The following SGCD variants were observed in gnomAD, a reference collection of about 807,000 sequenced individuals.
SGCD encodes the protein sarcoglycan delta, also known as delta-sarcoglycan.
SGCD carries 18 observed loss-of-function variants against 36.6 expected under a neutral mutation model. That is an observed-to-expected ratio of 0.49 (90% CI 0.34 to 0.73). The LOEUF is 0.73. Among genes scored for constraint, SGCD ranks in the 30% least tolerant of loss-of-function variants. SGCD has a pLI of 0.01. For missense variants in SGCD, 387 were observed against 346.7 expected (o/e 1.12, Z -0.92); for synonymous variants, 133 against 130.6 (o/e 1.02, Z -0.12).
chr5:156,414,796 A>G (rs892307110), intron 3 of SGCD, among the ~76,000 whole-genome samples: 3 of 152,232 alleles, frequency 2.0e-5, no homozygotes, highest in African/African-American at 4.8e-5. Flanking sequence ...TGATCCTTCT[A>G]TTCTAGAGAT....
chr5:156,510,067 A>G (rs1226056719), intron 4 of SGCD, among the ~76,000 whole-genome samples: 2 of 152,322 alleles, frequency 1.3e-5, no homozygotes, highest in Middle Eastern at 3.4e-3. Flanking sequence ...CAAAATCTTG[A>G]ATTGTATTAA....
chr5:156,255,078 G>A (rs534820094), intron 3 of SGCD, among the ~76,000 whole-genome samples: 4 of 152,164 alleles, frequency 2.6e-5, no homozygotes, highest in African/African-American at 7.2e-5. Flanking sequence ...ACTTTCAGTC[G>A]TGTGTATAAT....
At chr5:156,140,603 G>A (rs953321166) in intron 3 of SGCD, among the ~76,000 whole-genome samples, 2 of 152,150 alleles carry the variant, frequency 1.3e-5, no homozygotes, top group Non-Finnish European at 2.9e-5. Flanking sequence ...TCTCTAGGCG[G>A]AGTGTTTAGG....
intron 3 of SGCD, among the ~76,000 whole-genome samples, chr5:156,504,143 G>T (rs547561264): frequency 6.6e-6 from 1 of 151,524 alleles, no homozygotes; most frequent in African/African-American, 2.4e-5. Flanking sequence ...GGCGGAGGTT[G>T]CAGTGAGCTG....
At chr5:156,107,659 G>T (rs1266620838) in intron 1 of SGCD, among the ~76,000 whole-genome samples, 2 of 151,970 alleles carry the variant, frequency 1.3e-5, no homozygotes, top group African/African-American at 2.4e-5. Flanking sequence ...CCCCCTCCTA[G>T]GCAACTGAAA....
At chr5:155,835,286 G>C in the SGCD span, among the ~76,000 whole-genome samples, 1 of 152,034 alleles carries the variant, frequency 6.6e-6, no homozygotes, top group Non-Finnish European at 1.5e-5. Context: ...GGGATTACAG[G>C]TGTGAGCCAC....
chr5:155,807,517 A>G, the SGCD span, among the ~76,000 whole-genome samples: 1 of 152,260 alleles, frequency 6.6e-6, no homozygotes, highest in Non-Finnish European at 1.5e-5. Flanking sequence ...AACAAACCCA[A>G]AATGCCAACC....
At chr5:156,002,446 G>A (rs1326981911) in intron 1 of SGCD, among the ~76,000 whole-genome samples, 1 of 152,202 alleles carries the variant, frequency 6.6e-6, no homozygotes, top group Non-Finnish European at 1.5e-5. Flanking sequence ...AAGTAATATA[G>A]ATGGGTATTC....
At chr5:156,208,941 G>A (rs1764363070) in intron 3 of SGCD, among the ~76,000 whole-genome samples, 1 of 152,190 alleles carries the variant, frequency 6.6e-6, no homozygotes, top group Non-Finnish European at 1.5e-5. Flanking sequence ...GAAGGTAGGA[G>A]GGAAAGTCTT....
intron 1 of SGCD, among the ~76,000 whole-genome samples, chr5:155,939,438 C>T (rs745382613): frequency 6.6e-6 from 1 of 151,756 alleles, no homozygotes; most frequent in African/African-American, 2.4e-5. Flanking sequence ...GTCAGGAGTT[C>T]GAGACAAGCC....
At chr5:156,061,919 C>CTTTTTTTTTTT (rs757769130) in intron 1 of SGCD, among the ~76,000 whole-genome samples, 119 of 71,702 alleles carry the variant, frequency 1.7e-3, no homozygotes, top group Non-Finnish European at 2.5e-3. Flanking sequence ...GGAGTTTTCA[C>CTTTTTTTTTTT]TTTTTTTTTT....
chr5:155,775,256 G>T, the SGCD span, among the ~76,000 whole-genome samples: 1 of 152,062 alleles, frequency 6.6e-6, no homozygotes, highest in South Asian at 2.1e-4. Flanking sequence ...CCTGTTGTTT[G>T]TGTACATGAT....
At chr5:155,792,751 A>G in the SGCD span, among the ~76,000 whole-genome samples, 4 of 152,192 alleles carry the variant, frequency 2.6e-5, no homozygotes, top group Non-Finnish European at 5.9e-5. Context: ...AAGTAAAAAA[A>G]TAACAGGCTG....
At position 156,273,833 on chromosome 5, in the gene SGCD, G is replaced by A. The variant is rs769627472; in HGVS notation, c.-43-55701G>A. Among the ~76,000 whole-genome samples the A allele has an allele frequency of 2.6e-5, 4 of 152,170 alleles. No individual in the cohort carries two copies. In the East Asian group the frequency reaches 7.7e-4, roughly 29 times the overall value. ...AAAAAAAGTCCTTGTAGCTAAAATT[G>A]GTAGCTTGAGAAATAACTGCCACCC... On this transcript the variant is annotated intron_variant, in intron 3 of 9. Transcript: ENST00000517913.
In SGCD at chr5:156,333,783, A is replaced by ATTTTTTTTTTTTTTTTT. The variant is rs70984404; in HGVS notation, c.3+4225_3+4241dup. Among the ~76,000 whole-genome samples, 21 of 19,966 alleles carry ATTTTTTTTTTTTTTTTT rather than the reference A, an allele frequency of 1.1e-3. 6 individuals carry two copies. The highest frequency in any genetic ancestry group is 2.5e-3 in the African/African-American group (13 of 5,236). The allele number at this position is 19,966 out of a possible 152,430, so 13.1% of individuals were successfully genotyped here. A position where few individuals can be genotyped will look rare whatever the true frequency, so the allele number is the denominator to read the frequency against. Reference sequence around the variant, plus strand: ...GTGCTTTCTTTATGTTAGAAAAGTGATTTTTTTTTTTTTTTTTTTTTTTTT... The same window carrying ATTTTTTTTTTTTTTTTT: ...GTGCTTTCTTTATGTTAGAAAAGTGATTTTTTTTTTTTTTTTTTTTTTTTTTTTTTTTTTTTTTTTTT... On this transcript the variant is annotated intron_variant, in intron 2 of 8. Coordinates refer to ENST00000337851, the MANE Select transcript of SGCD (RefSeq NM_000337.6).
At chr5:155,759,442 A>C in the SGCD span, among the ~76,000 whole-genome samples, 1 of 152,150 alleles carries the variant, frequency 6.6e-6, no homozygotes, top group Non-Finnish European at 1.5e-5. Context: ...GATGATATTA[A>C]TGCAGAGTAA....
chr5:156,287,135 C>T (rs1381849888), intron 3 of SGCD, among the ~76,000 whole-genome samples: 1 of 152,154 alleles, frequency 6.6e-6, no homozygotes, highest in Non-Finnish European at 1.5e-5. Flanking sequence ...GCAATTTTAA[C>T]TTATACCTAG....
chr5:156,564,396 G>C (rs1302265516), intron 4 of SGCD, among the ~76,000 whole-genome samples: 1 of 152,194 alleles, frequency 6.6e-6, no homozygotes, highest in East Asian at 1.9e-4. Context: ...CTTGCAGTGA[G>C]CTGAGATCAT....
chr5:156,439,711 A>G (rs1410007723), intron 3 of SGCD, among the ~76,000 whole-genome samples: 1 of 152,200 alleles, frequency 6.6e-6, no homozygotes, highest in Non-Finnish European at 1.5e-5. Context: ...AATGCATGGA[A>G]GCTGCTTTAG....
Sources: allele counts gnomAD v4.1 joint callset (sites outside exome capture counted in the v4.1 genomes callset), GRCh38; gene constraint gnomAD v4.1.1; transcripts MANE v1.5; gene names NCBI Gene and HGNC (gene_info 2026-07-23, HGNC 2026-07-21).